The following CFAP20DC variants were observed in gnomAD, a reference collection of about 807,000 sequenced individuals.
The protein encoded by CFAP20DC is protein CFAP20DC.
CFAP20DC carries 84 observed loss-of-function variants against 101.7 expected under a neutral mutation model. The ratio of observed to expected loss-of-function variants is 0.83; its 90% CI spans 0.69 to 0.99. The LOEUF is 0.99. CFAP20DC is among the 50% of genes least tolerant of loss of function. CFAP20DC has a pLI of 0.00. For missense variants in CFAP20DC, 1,007 were observed against 970.3 expected, an observed-to-expected ratio of 1.04 and a Z score of -0.50; for synonymous variants, 359 against 351.2, an observed-to-expected ratio of 1.02 and a Z score of -0.25.
At chr3:58,836,780 C>A (rs2076766387) in intron 13 of CFAP20DC, among the ~76,000 whole-genome samples, 1 of 151,940 alleles carries the variant, frequency 6.6e-6, no homozygotes. Context: ...AAAATTATTC[C>A]CAGTGTAACT....
At chr3:58,963,581 G>T (rs1254099453) in intron 4 of CFAP20DC, among the ~76,000 whole-genome samples, 1 of 151,882 alleles carries the variant, frequency 6.6e-6, no homozygotes, top group African/African-American at 2.4e-5. Context: ...AGACCCATTA[G>T]ATGGTAACAG....
chr3:58,989,910 T>C (rs1402474113), intron 4 of CFAP20DC, among the ~76,000 whole-genome samples: 1 of 152,150 alleles, frequency 6.6e-6, no homozygotes, highest in Non-Finnish European at 1.5e-5. Context: ...AATCATGACC[T>C]CTGAGAAAGG....
intron 4 of CFAP20DC, among the ~76,000 whole-genome samples, chr3:58,953,053 GA>G (rs898273015): frequency 6.6e-6 from 1 of 152,112 alleles, no homozygotes; most frequent in African/African-American, 2.4e-5. Context: ...AATAAAGGAT[GA>G]AAAAGTGATA....
chr3:58,966,059 A>C (rs2091496016), intron 4 of CFAP20DC, among the ~76,000 whole-genome samples: 1 of 152,250 alleles, frequency 6.6e-6, no homozygotes, highest in South Asian at 2.1e-4. Context: ...AAAACGGCTG[A>C]GTATCAGTAA....
intron 4 of CFAP20DC, among the ~76,000 whole-genome samples, chr3:58,958,988 C>G (rs1477850699): frequency 2.6e-5 from 4 of 151,986 alleles, no homozygotes; most frequent in Non-Finnish European, 5.9e-5. Context: ...TTTTCTTATA[C>G]TAATCATATT....
chr3:58,861,483 T>C lies in CFAP20DC; in HGVS notation c.1593+2075A>G, dbSNP rs1490862297. On this transcript the variant is annotated intron_variant, in intron 12 of 16. Coordinates refer to ENST00000482387, the MANE Select transcript of CFAP20DC (RefSeq NM_001394063.1). The surrounding 1 kb of genome is among the most constrained non-coding windows in gnomAD (Gnocchi z 4.0). ...TGTAGCCTAATTTCCCATTGATTTA[T>C]ACAATTAATAAATAGAAGAAGCTAT... 3 of 918,912 alleles carry C rather than the reference T, an allele frequency of 3.3e-6. No homozygotes were observed. The African/African-American group carries it at 5.4e-5, about 16-fold the overall frequency. The allele number at this position is 918,912 out of a possible 1,614,324, so 56.9% of individuals were successfully genotyped here.
At chr3:58,853,311 A>G (rs2078430875) in intron 12 of CFAP20DC, among the ~76,000 whole-genome samples, 2 of 152,222 alleles carry the variant, frequency 1.3e-5, no homozygotes, top group South Asian at 2.1e-4. Context: ...GAATAGACCA[A>G]TAACAGGCTC....
intron 12 of CFAP20DC, among the ~76,000 whole-genome samples, chr3:58,849,952 T>C (rs116835640): frequency 1.6e-3 from 250 of 152,324 alleles, no homozygotes; most frequent in African/African-American, 5.8e-3. Context: ...TTATAAAGTA[T>C]TTTTCTTACA....
chr3:58,780,998 A>C (rs2071777250), intron 15 of CFAP20DC, among the ~76,000 whole-genome samples: 1 of 152,054 alleles, frequency 6.6e-6, no homozygotes, highest in Non-Finnish European at 1.5e-5. Context: ...CCTTCTAATC[A>C]GCACACACAA....
intron 7 of CFAP20DC, among the ~76,000 whole-genome samples, chr3:58,871,034 G>A (rs1012232029): frequency 6.6e-6 from 1 of 151,472 alleles, no homozygotes; most frequent in Admixed American, 6.6e-5. Flanking sequence ...TACTCTCTCA[G>A]GCATTTCCTA....
chr3:58,879,630 G>T (rs979302375), intron 7 of CFAP20DC, among the ~76,000 whole-genome samples: 2 of 152,130 alleles, frequency 1.3e-5, no homozygotes, highest in Non-Finnish European at 2.9e-5. Flanking sequence ...TTACATTTTA[G>T]TGGGGGAGAC....
At chr3:58,720,453 A>C (rs551792797) in intron 3 of CFAP20DC, among the ~76,000 whole-genome samples, 63 of 151,966 alleles carry the variant, frequency 4.1e-4, no homozygotes, top group Admixed American at 2.6e-4. Context: ...ACCATCTAAT[A>C]CTCCCTGGGC....
chr3:58,760,358 T>C (rs1244984876), intron 15 of CFAP20DC, among the ~76,000 whole-genome samples: 1 of 152,242 alleles, frequency 6.6e-6, no homozygotes, highest in Admixed American at 6.5e-5. Context: ...TGTATAAGAA[T>C]GCTTGTGATT....
chr3:58,878,542 A>G (rs2080950930), intron 7 of CFAP20DC, among the ~76,000 whole-genome samples: 1 of 152,210 alleles, frequency 6.6e-6, no homozygotes, highest in South Asian at 2.1e-4. Context: ...TATCATTTCA[A>G]GAAAACTTTC....
At chr3:58,978,660 G>A (rs964845023) in intron 4 of CFAP20DC, among the ~76,000 whole-genome samples, 2 of 147,292 alleles carry the variant, frequency 1.4e-5, no homozygotes, top group Non-Finnish European at 3.0e-5. Flanking sequence ...AGTGGGCCAA[G>A]ATCGCCCCAC....
chr3:58,901,315 C>G (rs771633114), intron 6 of CFAP20DC, among the ~76,000 whole-genome samples: 50 of 152,148 alleles, frequency 3.3e-4, no homozygotes, highest in Non-Finnish European at 7.1e-4. Context: ...CATTAAGAAG[C>G]AGTATATTAT....
chr3:58,789,043 G>A (rs2072625660), intron 15 of CFAP20DC, among the ~76,000 whole-genome samples: 1 of 152,104 alleles, frequency 6.6e-6, no homozygotes, highest in African/African-American at 2.4e-5. Flanking sequence ...ATTCCACACA[G>A]TGGCACACAG....
Position 58,897,409 on chromosome 3 carries a change from C to T in CFAP20DC, c.551-12700G>A, listed in dbSNP as rs2082755234. Among the ~76,000 whole-genome samples, 1 of 152,146 alleles carries T rather than the reference C, an allele frequency of 6.6e-6. No individual in the cohort carries two copies. Among genetic ancestry groups the T allele is most frequent in the Non-Finnish European group, 1.5e-5 (1 of 68,030 alleles). On this transcript the variant is annotated intron_variant, in intron 6 of 16. Coordinates refer to ENST00000482387, the MANE Select transcript of CFAP20DC (RefSeq NM_001394063.1). This position sits in a 1 kb window ranked among gnomAD's most constrained non-coding sequence, Gnocchi z 4.4. The stretch of plus-strand genomic sequence containing the variant: ...TTACGTGGGAATTTGATCCTGTCAA[C>T]ATGATAGCTGGTTATTTTGCAGATT...
chr3:58,868,435 T>C lies in CFAP20DC; in HGVS notation c.1016-499A>G, dbSNP rs1414477383. Reference sequence around the variant, plus strand: ...ATAGCAGCATTTAACATTTCCTGAATGCTTAATTTCTTGGTGCAATATGAT... The same window carrying C: ...ATAGCAGCATTTAACATTTCCTGAACGCTTAATTTCTTGGTGCAATATGAT... On this transcript the variant is annotated intron_variant, in intron 9 of 16. Coordinates refer to ENST00000482387, the MANE Select transcript of CFAP20DC (RefSeq NM_001394063.1). The surrounding 1 kb of genome is among the most constrained non-coding windows in gnomAD (Gnocchi z 4.6). Among the ~76,000 whole-genome samples the C allele has an allele frequency of 1.3e-5, 2 of 152,168 alleles. No homozygotes were observed. The highest frequency in any genetic ancestry group is 2.9e-5 in the Non-Finnish European group (2 of 67,998).
Sources: gnomAD v4.1 joint callset for allele counts (sites outside exome capture counted in the v4.1 genomes callset) on GRCh38, gnomAD v4.1.1 for gene constraint, Gnocchi (gnomAD v3.1) non-coding constraint, MANE v1.5 for transcripts, NCBI Gene and HGNC (gene_info 2026-07-23, HGNC 2026-07-21) for gene names.